The following TRPM8 variants were observed in gnomAD, a reference collection of about 807,000 sequenced individuals.
TRPM8 encodes the protein transient receptor potential cation channel subfamily M member 8, also known as TRPM8 cationic channel.
In TRPM8, 110 loss-of-function variants were observed where a neutral mutation model predicts 133.7. That is an observed-to-expected ratio of 0.82 (90% CI 0.70 to 0.96). The LOEUF (loss-of-function observed/expected upper bound fraction) is 0.96, where lower values mean the gene tolerates loss of function less well. Among genes scored for constraint, TRPM8 ranks in the 40% least tolerant of loss-of-function variants. The probability of loss-of-function intolerance (pLI) is 0.00; values close to 1 mark genes in which losing one functional copy is unlikely to be tolerated. For missense variants in TRPM8, 1,291 were observed against 1,379.5 expected (o/e 0.94, Z 1.02); for synonymous variants, 535 against 532.3 (o/e 1.01, Z -0.07).
At chr2:233,951,327 T>C (rs973734025) in intron 9 of TRPM8, among the ~76,000 whole-genome samples, 5 of 152,228 alleles carry the variant, frequency 3.3e-5, no homozygotes, top group Non-Finnish European at 7.3e-5. Context: ...GATTGCATAT[T>C]GACTGCCACT....
At chr2:233,980,142 T>C (rs1691969392) in intron 17 of TRPM8, 46 bp from the exon 18 acceptor site, 1 of 1,271,122 alleles carries the variant, frequency 7.9e-7, no homozygotes, top group Non-Finnish European at 1.1e-6. Flanking sequence ...AAATGGTTGA[T>C]ATTTCCAAGC....
At chr2:233,983,288 C>G in intron 20 of TRPM8, 64 bp downstream of exon 20, 1 of 1,595,772 alleles carries the variant, frequency 6.3e-7, no homozygotes, top group Non-Finnish European at 8.6e-7. Flanking sequence ...GAACCAACCC[C>G]CAGGGCTGCC....
At chr2:233,936,258 A>T (rs1690738852) in intron 3 of TRPM8, among the ~76,000 whole-genome samples, 1 of 152,240 alleles carries the variant, frequency 6.6e-6, no homozygotes, top group East Asian at 1.9e-4. Flanking sequence ...AGCTCAGCCC[A>T]GGGCTGACTC....
At chr2:233,999,527 C>T (rs1490056038) in intron 22 of TRPM8, among the ~76,000 whole-genome samples, 1 of 151,826 alleles carries the variant, frequency 6.6e-6, no homozygotes, top group African/African-American at 2.4e-5. Flanking sequence ...GTTTGGCCAT[C>T]GTGGCCCTGT....
chr2:233,972,184 C>T lies in TRPM8; in HGVS notation c.2355+1758C>T, dbSNP rs184776274. Among the ~76,000 whole-genome samples the T allele has an allele frequency of 2.9e-3, 439 of 150,002 alleles. 11 individuals are homozygous for T. The highest frequency in any genetic ancestry group is 3.4e-4 in the Non-Finnish European group (23 of 67,822). On this transcript the variant is annotated intron_variant, in intron 17 of 25. Coordinates refer to ENST00000324695, the MANE Select transcript of TRPM8 (RefSeq NM_024080.5). ...GAGTGACGATTGGTGTATTTACAAT[C>T]CCTGAGCTAGACATAAAGGTTTTCC...
intron 22 of TRPM8, among the ~76,000 whole-genome samples, chr2:233,998,665 C>T (rs541702660): frequency 2.8e-4 from 43 of 151,250 alleles, no homozygotes; most frequent in African/African-American, 1.0e-3. Flanking sequence ...TGTGCCCATC[C>T]AGTTAGGGTG....
At chr2:233,961,181 G>C in intron 12 of TRPM8, 115 bp downstream of exon 12, 2 of 1,050,930 alleles carry the variant, frequency 1.9e-6, no homozygotes, top group Middle Eastern at 3.2e-4. Context: ...TTAACACACT[G>C]ACAATGTTAA....
In TRPM8 at chr2:233,993,216, C is replaced by T. The variant is rs28902221; in HGVS notation, c.2940-3110C>T. Among the ~76,000 whole-genome samples, 1,165 of 152,276 alleles carry T rather than the reference C, an allele frequency of 7.7e-3. 22 individuals are homozygous for T. The highest frequency in any genetic ancestry group is 0.025 in the African/African-American group (1,021 of 41,566). Reference sequence around the variant, plus strand: ...CCTGGGATGCCCATAAGAGTTCTTGCTATTTGTCTGGGAAAGCATTGCTGC... The same window carrying T: ...CCTGGGATGCCCATAAGAGTTCTTGTTATTTGTCTGGGAAAGCATTGCTGC... On this transcript the variant is annotated intron_variant, in intron 21 of 25. Transcript: ENST00000324695.
chr2:233,970,113 C>A, intron 16 of TRPM8, 97 bp from the exon 17 acceptor site: 1 of 1,126,722 alleles, frequency 8.9e-7, no homozygotes, highest in Non-Finnish European at 1.4e-6. Context: ...TTCCTCCTGG[C>A]TATGGGTCTG....
chr2:233,991,306 C>G (rs761033826), intron 21 of TRPM8, among the ~76,000 whole-genome samples: 1 of 152,208 alleles, frequency 6.6e-6, no homozygotes, highest in Non-Finnish European at 1.5e-5. Context: ...CCTGAATTAT[C>G]AATTCCAAAA....
intron 21 of TRPM8, among the ~76,000 whole-genome samples, chr2:233,987,577 C>G (rs1005392493): frequency 2.6e-4 from 40 of 152,344 alleles, no homozygotes; most frequent in African/African-American, 8.9e-4. Context: ...GTGTGGCCAT[C>G]TGGTCTCCCA....
At chr2:233,966,907 C>T (rs1691591605) in intron 15 of TRPM8, 152 bp downstream of exon 15, 6 of 938,008 alleles carry the variant, frequency 6.4e-6, no homozygotes, top group Non-Finnish European at 7.6e-6. Flanking sequence ...GGGAGATGGC[C>T]AAGTATAGGC....
At chr2:233,972,855 A>G (rs1356415029) in intron 17 of TRPM8, among the ~76,000 whole-genome samples, 11 of 152,036 alleles carry the variant, frequency 7.2e-5, no homozygotes, top group Admixed American at 7.2e-4. Context: ...CACTCCTTCC[A>G]CACTTCCCTG....
At chr2:233,954,820 G>T (rs1327027079) in intron 10 of TRPM8, among the ~76,000 whole-genome samples, 2 of 152,164 alleles carry the variant, frequency 1.3e-5, no homozygotes, top group Non-Finnish European at 2.9e-5. Context: ...GTCAGATATG[G>T]CCTTGAAATA....
At position 233,996,325 on chromosome 2, in the gene TRPM8, G is replaced by A. The variant is rs1400341458; in HGVS notation, c.2940-1G>A. 7 of 1,613,770 alleles carry A rather than the reference G, an allele frequency of 4.3e-6. No individual in the cohort carries two copies. Among genetic ancestry groups the A allele is most frequent in the Non-Finnish European group, 5.9e-6 (7 of 1,179,890 alleles). On this transcript the variant is annotated splice_acceptor_variant, in intron 21 of 25. Transcript: ENST00000324695. LOFTEE classifies it high-confidence loss of function. ...CTTGGCCTTCTCTCTTCCCTCACCA[G>A]CTACACGGTGGGCACCGTCCAGGAG...
intron 9 of TRPM8, among the ~76,000 whole-genome samples, chr2:233,953,376 G>T (rs1001461968): frequency 7.9e-5 from 12 of 152,198 alleles, no homozygotes; most frequent in African/African-American, 2.9e-4. Context: ...GCTCGCCAGT[G>T]CTTGTAACCT....
At chr2:233,947,609 C>G (rs1691075970) in intron 8 of TRPM8, 2 of 1,289,954 alleles carry the variant, frequency 1.6e-6, no homozygotes, top group Non-Finnish European at 2.0e-6. Context: ...AATTCCAAAC[C>G]CTAAGTGATT....
At chr2:233,930,801 C>T (rs1691665329) in intron 3 of TRPM8, 60 bp downstream of exon 3, 5 of 1,164,526 alleles carry the variant, frequency 4.3e-6, no homozygotes, top group Non-Finnish European at 1.3e-6. Context: ...ATCAGCCACC[C>T]TTACAACAAA....
intron 25 of TRPM8, among the ~76,000 whole-genome samples, chr2:234,017,014 A>T: frequency 6.6e-6 from 1 of 152,322 alleles, no homozygotes; most frequent in Non-Finnish European, 1.5e-5. Context: ...GCTCAGAAAC[A>T]TTCTGGGTTT....
Sources: allele counts gnomAD v4.1 joint callset (sites outside exome capture counted in the v4.1 genomes callset), GRCh38; gene constraint gnomAD v4.1.1; transcripts MANE v1.5; gene names NCBI Gene and HGNC (gene_info 2026-07-23, HGNC 2026-07-21).